Variants in ATP6V0A1 observed in about 807,000 individuals in gnomAD.
ATP6V0A1 encodes the protein ATPase H+ transporting V0 subunit a1.
Under a neutral mutation model 105.4 loss-of-function variants are expected in ATP6V0A1, and 43 were observed. The ratio of observed to expected loss-of-function variants is 0.41; its 90% confidence interval spans 0.32 to 0.53. ATP6V0A1 has a LOEUF of 0.53. ATP6V0A1 is among the 20% of genes least tolerant of loss of function. ATP6V0A1 has a pLI of 0.30. For missense variants in ATP6V0A1, 676 were observed against 1,051.1 expected, an observed-to-expected ratio of 0.64 and a Z score of 4.93; for synonymous variants, 362 against 372.8, an observed-to-expected ratio of 0.97 and a Z score of 0.33.
chr17:42,477,698 C>T lies in ATP6V0A1; in HGVS notation c.462C>T (p.Leu154=). The stretch of plus-strand genomic sequence containing the variant: ...ACTTGTTGGAAGAGTCCTCATCCCT[C>T]TTGGAGCCAAGTGAGATGGGAAGAG... ...DPDLLEESSS[L]LEPSEMGRGT... is the part of the protein sequence containing the mutation. Residue 154 remains leucine, a synonymous_variant, in exon 6 of 22, where the codon CTC becomes CTT. Transcript: ENST00000343619. 6.2e-7 allele frequency: 1 copy of T among 1,613,994 alleles called. No homozygotes were observed.
At chr17:42,489,360 C>T (rs1025982818) in intron 10 of ATP6V0A1, among the ~76,000 whole-genome samples, 1 of 152,100 alleles carries the variant, frequency 6.6e-6, no homozygotes, top group Non-Finnish European at 1.5e-5. Context: ...GGATTACAGG[C>T]ATGAGCCACT....
At chr17:42,513,758 C>T (rs1445492560) in intron 19 of ATP6V0A1, 103 bp from the exon 20 acceptor site, 16 of 1,107,864 alleles carry the variant, frequency 1.4e-5, no homozygotes, top group Non-Finnish European at 2.2e-5. Flanking sequence ...AGTGCAGTCC[C>T]CTGCCCTGGC....
chr17:42,506,042 C>T (rs1008019655), intron 17 of ATP6V0A1, among the ~76,000 whole-genome samples: 1 of 152,188 alleles, frequency 6.6e-6, no homozygotes, highest in Admixed American at 6.5e-5. Flanking sequence ...CCTGACTCGG[C>T]CTTCCAAAAT....
chr17:42,486,393 A>G (rs2090116944), intron 9 of ATP6V0A1, among the ~76,000 whole-genome samples: 1 of 152,208 alleles, frequency 6.6e-6, no homozygotes, highest in East Asian at 1.9e-4. Flanking sequence ...CCTGGGCCAC[A>G]GAGCGAGACT....
At chr17:42,494,893 T>C in intron 12 of ATP6V0A1, 141 bp from the exon 13 acceptor site, 3 of 814,016 alleles carry the variant, frequency 3.7e-6, no homozygotes, top group Non-Finnish European at 5.8e-6. Context: ...TAGCATTGTA[T>C]TTTGGTTTTT....
At chr17:42,483,205 C>T in intron 9 of ATP6V0A1, 74 bp downstream of exon 9, 2 of 1,173,704 alleles carry the variant, frequency 1.7e-6, no homozygotes, top group Non-Finnish European at 2.3e-6. Context: ...CCTTGAAATG[C>T]TGATATTCTA....
intron 17 of ATP6V0A1, 100 bp downstream of exon 17, chr17:42,501,404 ATTCTTT>A (rs951035928): frequency 2.7e-4 from 246 of 923,764 alleles, no homozygotes; most frequent in Middle Eastern, 1.2e-3. Flanking sequence ...AAATCTATAT[ATTCTTT>A]TTCTTTTTCT....
chr17:42,467,834 A>G (rs996395120), intron 3 of ATP6V0A1, among the ~76,000 whole-genome samples, 176 bp from the exon 4 acceptor site: 1 of 152,036 alleles, frequency 6.6e-6, no homozygotes, highest in African/African-American at 2.4e-5. Flanking sequence ...GGATGGGGAG[A>G]AAAAAGGTGC....
chr17:42,511,052 A>G (rs1193109838), intron 19 of ATP6V0A1: 1 of 152,286 alleles, frequency 6.6e-6, no homozygotes, highest in Non-Finnish European at 1.5e-5. Context: ...GAGAGCAGTT[A>G]CTGTGTTGAG....
intron 10 of ATP6V0A1, among the ~76,000 whole-genome samples, chr17:42,488,752 C>T (rs1001425477): frequency 7.1e-6 from 1 of 140,962 alleles, no homozygotes; most frequent in Non-Finnish European, 1.5e-5. Flanking sequence ...TGGTGACTCA[C>T]TCTTGTAATC....
intron 10 of ATP6V0A1, among the ~76,000 whole-genome samples, chr17:42,488,406 TGA>T (rs1491543866): frequency 1.3e-5 from 2 of 152,210 alleles, no homozygotes; most frequent in African/African-American, 2.4e-5. Context: ...CAGAGGAAGT[TGA>T]GAGACATTGG....
chr17:42,480,276 C>T (rs111836614), intron 7 of ATP6V0A1: 202 of 153,610 alleles, frequency 1.3e-3, no homozygotes, highest in Non-Finnish European at 2.4e-3. Context: ...TATTCAGCCC[C>T]TTTTATCTAA....
At chr17:42,474,096 G>A (rs564275305) in intron 5 of ATP6V0A1, among the ~76,000 whole-genome samples, 3 of 151,550 alleles carry the variant, frequency 2.0e-5, no homozygotes, top group South Asian at 4.2e-4. Context: ...GCCGCCTCCC[G>A]GGTTCAAGCG....
intron 6 of ATP6V0A1, among the ~76,000 whole-genome samples, chr17:42,477,948 T>C (rs1199638382): frequency 6.6e-6 from 1 of 152,044 alleles, no homozygotes; most frequent in Non-Finnish European, 1.5e-5. Flanking sequence ...ATAAGACTTG[T>C]ATTAAACCAA....
At position 42,520,789 on chromosome 17, in the gene ATP6V0A1, G is replaced by A; in HGVS notation, c.2421-238G>A. 4 of 512,886 alleles carry A rather than the reference G, an allele frequency of 7.8e-6. No individual in the cohort carries two copies. The South Asian group carries it at 8.0e-5, about 10-fold the overall frequency. The allele number at this position is 512,886 out of a possible 1,614,324, so 31.8% of individuals were successfully genotyped here. The stretch of plus-strand genomic sequence containing the variant: ...GCAGAGAGTTGTGCATAAACACACT[G>A]CTCGGCAGGACAGAGCAAGATTGGG... On this transcript the variant is annotated intron_variant, in intron 21 of 21. Transcript: ENST00000343619.
At chr17:42,501,860 C>T (rs1438312278) in intron 17 of ATP6V0A1, among the ~76,000 whole-genome samples, 1 of 151,726 alleles carries the variant, frequency 6.6e-6, no homozygotes, top group East Asian at 2.0e-4. Flanking sequence ...ATGGTGAAAC[C>T]CCATCTTTAC....
intron 4 of ATP6V0A1, 25 bp downstream of exon 4, chr17:42,468,132 A>G (rs2087357777): frequency 1.3e-6 from 2 of 1,487,616 alleles, no homozygotes; most frequent in Non-Finnish European, 9.1e-7. Context: ...GAAAACCAGA[A>G]AAGTTTCTTT....
intron 7 of ATP6V0A1, 93 bp from the exon 8 acceptor site, chr17:42,480,574 G>C (rs1469770685): frequency 5.0e-6 from 6 of 1,200,154 alleles, no homozygotes; most frequent in Non-Finnish European, 6.9e-6. Context: ...AAAGATGCCT[G>C]TTGTTCTTGC....
chr17:42,516,277 C>G lies in ATP6V0A1; in HGVS notation c.2420+1817C>G, dbSNP rs1312330423. On this transcript the variant is annotated intron_variant, in intron 21 of 21. Coordinates refer to ENST00000343619, the MANE Select transcript of ATP6V0A1 (RefSeq NM_001130021.3). The stretch of plus-strand genomic sequence containing the variant: ...TGACCCCTGAGCCTCCTCAAAGATT[C>G]AGCTGTGGGTTTTTCTGAATGATGG... 2.0e-5 allele frequency among the ~76,000 whole-genome samples: 3 copies of G among 152,168 alleles called. No homozygotes were observed. The East Asian group carries it at 5.8e-4, about 29-fold the overall frequency.
Sources: gnomAD v4.1 joint callset for allele counts (sites outside exome capture counted in the v4.1 genomes callset) on GRCh38, gnomAD v4.1.1 for gene constraint, MANE v1.5 for transcripts, NCBI Gene and HGNC (gene_info 2026-07-23, HGNC 2026-07-21) for gene names.